HNRNPLL: variants seen among roughly 807,000 people sequenced by gnomAD.
HNRNPLL encodes heterogeneous nuclear ribonucleoprotein L like.
In HNRNPLL, 25 loss-of-function variants were observed where a neutral mutation model predicts 67.1. The ratio of observed to expected loss-of-function variants is 0.37; its 90% confidence interval spans 0.27 to 0.52. The LOEUF (loss-of-function observed/expected upper bound fraction) is 0.52, where lower values mean the gene tolerates loss of function less well. Among genes scored for constraint, HNRNPLL ranks in the 20% least tolerant of loss-of-function variants. The probability of loss-of-function intolerance (pLI) is 0.90; values close to 1 mark genes in which losing one functional copy is unlikely to be tolerated. For missense variants in HNRNPLL, 542 were observed against 673.9 expected (o/e 0.80, Z 2.17); for synonymous variants, 267 against 241.7 (o/e 1.10, Z -0.97).
intron 6 of HNRNPLL, among the ~76,000 whole-genome samples, chr2:38,579,041 C>T (rs1324639660): frequency 1.3e-5 from 2 of 152,064 alleles, no homozygotes; most frequent in African/African-American, 2.4e-5. Context: ...TAAGCATACG[C>T]CATCAAACAC....
intron 1 of HNRNPLL, among the ~76,000 whole-genome samples, chr2:38,601,417 T>G (rs963551053): frequency 2.0e-5 from 3 of 152,228 alleles, no homozygotes; most frequent in African/African-American, 7.2e-5. Flanking sequence ...GTGTACAGTT[T>G]CGTAATTCTG....
At chr2:38,592,012 G>C (rs562264063) in intron 1 of HNRNPLL, among the ~76,000 whole-genome samples, 1 of 152,188 alleles carries the variant, frequency 6.6e-6, no homozygotes, top group East Asian at 1.9e-4. Flanking sequence ...AAGTTGAATT[G>C]CATCTTTCAG....
chr2:38,572,490 A>G (rs1666131745), intron 8 of HNRNPLL, among the ~76,000 whole-genome samples: 1 of 152,108 alleles, frequency 6.6e-6, no homozygotes, highest in African/African-American at 2.4e-5. Context: ...GTTTTTATCA[A>G]ACTACTGGTA....
intron 4 of HNRNPLL, among the ~76,000 whole-genome samples, chr2:38,583,499 G>C (rs1260853131): frequency 6.6e-6 from 1 of 152,160 alleles, no homozygotes; most frequent in Non-Finnish European, 1.5e-5. Flanking sequence ...AAAAAGGTAA[G>C]ATTTTACTGA....
chr2:38,574,358 A>C (rs1046379702), intron 7 of HNRNPLL, among the ~76,000 whole-genome samples: 1 of 151,856 alleles, frequency 6.6e-6, no homozygotes, highest in Non-Finnish European at 1.5e-5. Context: ...TGCAGCTTAG[A>C]AACAGAAACC....
chr2:38,585,879 T>C lies in HNRNPLL; in HGVS notation c.311A>G (p.Tyr104Cys). ...TCGTTTAAATGGCATCATCATCACA[T>C]AGCTGAAAAGGGAGAAAAGGAGGAA... ...EALEKFGTIC[Y>C]VMMMPFKRQA... The change falls in exon 3 of 13, where the codon TAT becomes TGT. Residue 104 changes from tyrosine to cysteine, a missense_variant and splice_region_variant. Transcript: ENST00000449105. The C allele has an allele frequency of 6.3e-7, 1 of 1,578,148 alleles. No homozygotes were observed. The highest frequency in any genetic ancestry group is 8.7e-7 in the Non-Finnish European group (1 of 1,148,338).
chr2:38,590,837 T>C (rs545762420), intron 2 of HNRNPLL, among the ~76,000 whole-genome samples: 45 of 152,186 alleles, frequency 3.0e-4, no homozygotes, highest in South Asian at 2.1e-3. Context: ...CCCTCATCTC[T>C]ACAAAAAATT....
At position 38,573,335 on chromosome 2, in the gene HNRNPLL, A is replaced by ATTTCT. The variant is rs1424527165; in HGVS notation, c.966_967insAGAAA (p.Ser323ArgfsTer17). 1 of 1,612,356 alleles carries ATTTCT rather than the reference A, an allele frequency of 6.2e-7. No homozygotes were observed. Among genetic ancestry groups the ATTTCT allele is most frequent in the Admixed American group, 1.7e-5 (1 of 59,742 alleles). On this transcript the variant is annotated frameshift_variant, in exon 8 of 13. Transcript: ENST00000449105. LOFTEE classifies it high-confidence loss of function. ...TTTCCTCCATGCATGTAAGAGGAAG[A>ATTTCT]AGCCTGTGGTAATGGATAAGCAACA... is the stretch of plus-strand genomic sequence containing the variant.
intron 8 of HNRNPLL, 30 bp from the exon 9 acceptor site, chr2:38,569,955 C>T (rs767133995): frequency 2.4e-5 from 37 of 1,520,128 alleles, no homozygotes; most frequent in Non-Finnish European, 3.2e-5. Flanking sequence ...AAAAGGTGAC[C>T]ATTTAATTCC....
At chr2:38,591,933 G>A (rs528690148) in intron 1 of HNRNPLL, among the ~76,000 whole-genome samples, 10 of 151,962 alleles carry the variant, frequency 6.6e-5, no homozygotes, top group East Asian at 1.9e-4. Context: ...CCAAGATCGC[G>A]CCACTGCACT....
Position 38,569,292 on chromosome 2 carries a change from C to T in HNRNPLL, c.1257G>A (p.Glu419=). Residue 419 remains glutamate, a synonymous_variant, in exon 10 of 13, where the codon GAG becomes GAA. Transcript: ENST00000449105. ...QHSVVPSQIF[E]LEDGTSSYKD... ...TGTAGCTGCTGGTACCATCCTCCAGCTCAAATATTTGACTTGGAACAACTG... is the reference window on the plus strand; with the variant it reads ...TGTAGCTGCTGGTACCATCCTCCAGTTCAAATATTTGACTTGGAACAACTG... 1 of 1,613,066 alleles carries T rather than the reference C, an allele frequency of 6.2e-7. No individual in the cohort carries two copies. The highest frequency in any genetic ancestry group is 8.5e-7 in the Non-Finnish European group (1 of 1,179,488).
At chr2:38,598,152 T>C (rs375733343) in intron 1 of HNRNPLL, among the ~76,000 whole-genome samples, 1 of 152,120 alleles carries the variant, frequency 6.6e-6, no homozygotes, top group African/African-American at 2.4e-5. Flanking sequence ...GTATTTTCAA[T>C]CACACAGTCA....
In HNRNPLL at chr2:38,591,632, T is replaced by C. The variant is rs1404359266; in HGVS notation, c.206A>G (p.His69Arg). 5.6e-6 allele frequency: 9 copies of C among 1,611,212 alleles called. No homozygotes were observed. Among genetic ancestry groups the C allele is most frequent in the Non-Finnish European group, 6.8e-6 (8 of 1,177,406 alleles). The change falls in exon 2 of 13, where the codon CAT (histidine) becomes CGT (arginine). Residue 69 changes from histidine to arginine, a missense_variant. Transcript: ENST00000449105. ...GACGGGTGAAACAGAAACTTTATGA[T>C]GACTTCCACCTGCCTCCTAGCAAGA... ...SFSQPEAGGS[H>R]HKVSVSPVVH...
chr2:38,566,446 CACTTG>C (rs1665865021), intron 12 of HNRNPLL, among the ~76,000 whole-genome samples: 1 of 150,340 alleles, frequency 6.7e-6, no homozygotes, highest in South Asian at 2.1e-4. Flanking sequence ...TTAACAATTT[CACTTG>C]ACTTGACACA....
chr2:38,575,154 T>C (rs1666249932), intron 7 of HNRNPLL, among the ~76,000 whole-genome samples: 1 of 151,846 alleles, frequency 6.6e-6, no homozygotes, highest in African/African-American at 2.4e-5. Flanking sequence ...GAATAACTGA[T>C]GTTTATAATT....
intron 11 of HNRNPLL, 24 bp from the exon 12 acceptor site, chr2:38,568,321 A>G: frequency 1.9e-6 from 3 of 1,606,874 alleles, no homozygotes; most frequent in Non-Finnish European, 1.7e-6. Context: ...ACACAAACTC[A>G]GTTATTATTA....
At chr2:38,596,383 C>T (rs1572464608) in intron 1 of HNRNPLL, among the ~76,000 whole-genome samples, 1 of 152,044 alleles carries the variant, frequency 6.6e-6, no homozygotes, top group Middle Eastern at 3.4e-3. Flanking sequence ...CTCAGCCTCC[C>T]GACTAGCTGG....
chr2:38,567,000 A>T (rs1321182088), intron 12 of HNRNPLL, among the ~76,000 whole-genome samples: 1 of 152,180 alleles, frequency 6.6e-6, no homozygotes, highest in Non-Finnish European at 1.5e-5. Flanking sequence ...TATCCTGAAA[A>T]TGCTTTAAAA....
chr2:38,568,452 G>C lies in HNRNPLL; in HGVS notation c.1417-9C>G. The C allele has an allele frequency of 6.4e-7, 1 of 1,555,538 alleles. No homozygotes were observed. The highest frequency in any genetic ancestry group is 8.7e-7 in the Non-Finnish European group (1 of 1,143,148). On this transcript the variant is annotated splice_polypyrimidine_tract_variant and intron_variant, in intron 10 of 12. Transcript: ENST00000449105. ...TCATGGTCATTACACAACTGTCAAA[G>C]AAAGTAAAACTTCATTAAAAATATA...
Sources: gnomAD v4.1 joint callset for allele counts (sites outside exome capture counted in the v4.1 genomes callset) on GRCh38, gnomAD v4.1.1 for gene constraint, MANE v1.5 for transcripts, NCBI Gene and HGNC (gene_info 2026-07-23, HGNC 2026-07-21) for gene names.